CYP4Z1: variants seen among roughly 807,000 people sequenced by gnomAD.
CYP4Z1 encodes the protein cytochrome P450 4Z1.
Under a neutral mutation model 54.2 loss-of-function variants are expected in CYP4Z1, and 41 were observed. The observed-to-expected ratio is 0.76, with a 90% CI of 0.59 to 0.98. CYP4Z1 has a LOEUF of 0.98. Ranked by LOEUF, CYP4Z1 falls within the 50% of genes least tolerant of loss-of-function variation. CYP4Z1 has a pLI of 0.00. For synonymous variants in CYP4Z1, 163 were observed against 206.2 expected (o/e 0.79, Z 1.79); for missense variants, 513 against 599.0 (o/e 0.86, Z 1.50).
chr1:47,085,941 G>A (rs1346152940), intron 6 of CYP4Z1, among the ~76,000 whole-genome samples: 1 of 149,804 alleles, frequency 6.7e-6, no homozygotes, highest in African/African-American at 2.5e-5. Flanking sequence ...AGAACATGCG[G>A]TGTCTGGTTT....
At chr1:47,112,981 C>G (rs931751425) in intron 9 of CYP4Z1, among the ~76,000 whole-genome samples, 1 of 151,826 alleles carries the variant, frequency 6.6e-6, no homozygotes, top group Non-Finnish European at 1.5e-5. Context: ...AATACAATCT[C>G]CCAAGTAGCT....
upstream of CYP4Z1, among the ~76,000 whole-genome samples, chr1:47,066,573 T>C (rs1644452390): frequency 6.6e-6 from 1 of 152,024 alleles, no homozygotes; most frequent in Non-Finnish European, 1.5e-5. Flanking sequence ...AGGGGAAAAG[T>C]AGAAAGCATT....
chr1:47,066,214 G>C (rs1321155800), upstream of CYP4Z1, among the ~76,000 whole-genome samples: 1 of 151,738 alleles, frequency 6.6e-6, no homozygotes, highest in Non-Finnish European at 1.5e-5. Context: ...CCGAAACCAG[G>C]GAATGACATA....
chr1:47,057,634 A>G, the CYP4Z1 span, among the ~76,000 whole-genome samples: 3 of 150,774 alleles, frequency 2.0e-5, no homozygotes, highest in Admixed American at 6.6e-5. Flanking sequence ...TAAGTTTTAG[A>G]CTTTTCATTT....
At chr1:47,056,863 C>G in the CYP4Z1 span, among the ~76,000 whole-genome samples, 1 of 152,088 alleles carries the variant, frequency 6.6e-6, no homozygotes, top group South Asian at 2.1e-4. Context: ...GATGTCTTGA[C>G]TCTTTATCCA....
At chr1:47,100,209 C>T (rs747305012) in intron 8 of CYP4Z1, among the ~76,000 whole-genome samples, 5 of 152,172 alleles carry the variant, frequency 3.3e-5, no homozygotes, top group Non-Finnish European at 7.4e-5. Flanking sequence ...TTTCATTCCT[C>T]TATGGAATTC....
chr1:47,082,612 G>A, intron 4 of CYP4Z1, 151 bp downstream of exon 4: 1 of 1,013,248 alleles, frequency 9.9e-7, no homozygotes, highest in Non-Finnish European at 1.4e-6. Flanking sequence ...CATCATCAGG[G>A]CAAGGACCCT....
At chr1:47,074,194 T>C (rs1450536890) in intron 2 of CYP4Z1, among the ~76,000 whole-genome samples, 7 of 151,698 alleles carry the variant, frequency 4.6e-5, no homozygotes, top group African/African-American at 7.3e-5. Flanking sequence ...TGCAGGCTTC[T>C]TACCTGGGTA....
chr1:47,086,026 TC>T (rs1377776145), intron 6 of CYP4Z1, among the ~76,000 whole-genome samples: 1 of 152,064 alleles, frequency 6.6e-6, no homozygotes, highest in Non-Finnish European at 1.5e-5. Context: ...CATGAACTCA[TC>T]CTTTTTTATG....
intron 6 of CYP4Z1, among the ~76,000 whole-genome samples, chr1:47,092,634 T>G (rs918018424): frequency 1.3e-5 from 2 of 152,092 alleles, no homozygotes; most frequent in Non-Finnish European, 2.9e-5. Flanking sequence ...CTCTCCCAAT[T>G]GGGAATGGTG....
chr1:47,109,379 GAA>G (rs1168202897), intron 9 of CYP4Z1, among the ~76,000 whole-genome samples: 2 of 152,152 alleles, frequency 1.3e-5, no homozygotes, highest in Non-Finnish European at 2.9e-5. Context: ...TAATCCCATA[GAA>G]AAGGTTTAGA....
chr1:47,108,364 C>G (rs1161167286), intron 9 of CYP4Z1, among the ~76,000 whole-genome samples: 1 of 152,174 alleles, frequency 6.6e-6, no homozygotes, highest in Non-Finnish European at 1.5e-5. Context: ...GTAATTCAAC[C>G]AGCATTAAAT....
At chr1:47,083,715 A>AGTCT (rs1644571552) in intron 4 of CYP4Z1, among the ~76,000 whole-genome samples, 2 of 152,150 alleles carry the variant, frequency 1.3e-5, no homozygotes, top group Non-Finnish European at 2.9e-5. Flanking sequence ...GCACACCCTG[A>AGTCT]ACTGATGCAC....
chr1:47,112,049 GAAAT>G (rs1644795741), intron 9 of CYP4Z1, among the ~76,000 whole-genome samples: 1 of 152,080 alleles, frequency 6.6e-6, no homozygotes. Flanking sequence ...AAAACAACTG[GAAAT>G]AAATCAGTTG....
upstream of CYP4Z1, among the ~76,000 whole-genome samples, chr1:47,063,084 T>G (rs1644432292): frequency 6.6e-6 from 1 of 152,100 alleles, no homozygotes; most frequent in Non-Finnish European, 1.5e-5. Context: ...CACTCCCCAG[T>G]AGCAGCCTAG....
At chr1:47,079,399 T>G (rs1336570895) in intron 2 of CYP4Z1, among the ~76,000 whole-genome samples, 4 of 152,168 alleles carry the variant, frequency 2.6e-5, no homozygotes, top group African/African-American at 9.7e-5. Flanking sequence ...CAGATAATTT[T>G]TGTTTTTGCT....
chr1:47,093,412 C>T (rs972811538), intron 6 of CYP4Z1, among the ~76,000 whole-genome samples: 5 of 152,232 alleles, frequency 3.3e-5, no homozygotes, highest in Non-Finnish European at 5.9e-5. Context: ...AGCTTATCCA[C>T]CTTGTGTCAT....
chr1:47,065,469 A>C (rs1644444485), upstream of CYP4Z1, among the ~76,000 whole-genome samples: 1 of 152,126 alleles, frequency 6.6e-6, no homozygotes, highest in African/African-American at 2.4e-5. Context: ...GAAATTTAAA[A>C]ATTCTTTAAA....
intron 6 of CYP4Z1, among the ~76,000 whole-genome samples, chr1:47,094,216 C>T (rs578249746): frequency 2.8e-4 from 42 of 152,228 alleles, no homozygotes; most frequent in South Asian, 8.3e-4. Context: ...TTAAGCTCAG[C>T]GATTGGTAAC....
Sources: gnomAD v4.1 joint callset for allele counts (sites outside exome capture counted in the v4.1 genomes callset) on GRCh38, gnomAD v4.1.1 for gene constraint, MANE v1.5 for transcripts, NCBI Gene and HGNC (gene_info 2026-07-23, HGNC 2026-07-21) for gene names.